ANKS1A: variants seen among roughly 807,000 people sequenced by gnomAD.
ANKS1A encodes ankyrin repeat and sterile alpha motif domain containing 1A, also known as ankyrin repeat and SAM domain-containing protein 1A.
Under a neutral mutation model 120.3 loss-of-function variants are expected in ANKS1A, and 55 were observed. The observed-to-expected ratio is 0.46, with a 90% CI of 0.37 to 0.57. The LOEUF (loss-of-function observed/expected upper bound fraction) is 0.57, where lower values mean the gene tolerates loss of function less well. Among genes scored for constraint, ANKS1A ranks in the 20% least tolerant of loss-of-function variants. The pLI is 0.00. For missense variants in ANKS1A, 1,123 were observed against 1,480.3 expected (o/e 0.76, Z 3.96); for synonymous variants, 590 against 604.7 (o/e 0.98, Z 0.36).
chr6:35,039,745 G>A (rs1409157044), intron 11 of ANKS1A: 2 of 412,180 alleles, frequency 4.9e-6, no homozygotes, highest in Non-Finnish European at 1.0e-5. Flanking sequence ...ATTTTTCCCA[G>A]GTCTTTTTCC....
rs2127621347 is a variant in ANKS1A, at chr6:35,090,900, C to T, written c.*2291C>T. The T allele has an allele frequency of 2.0e-6, 2 of 985,684 alleles. No homozygotes were observed. Among genetic ancestry groups the T allele is most frequent in the East Asian group, 2.3e-4 (2 of 8,814 alleles). 61.1% of individuals were successfully genotyped at this position (985,684 alleles called of 1,614,324 possible). A position where few individuals can be genotyped will look rare whatever the true frequency, so the allele number is the denominator to read the frequency against. ...CCACCAGCTGCTCAGCGCATAAGAC[C>T]TTCCCGACAGGCTCTGCGTGTGCAG... On this transcript the variant is annotated 3_prime_UTR_variant, in exon 24 of 24. Coordinates refer to ENST00000360359, the MANE Select transcript of ANKS1A (RefSeq NM_015245.3).
intron 13 of ANKS1A, among the ~76,000 whole-genome samples, chr6:35,077,543 C>T (rs1777434476): frequency 6.6e-6 from 1 of 152,254 alleles, no homozygotes; most frequent in South Asian, 2.1e-4. Flanking sequence ...GCAGCTGCAA[C>T]TGCGAGGGCC....
At chr6:34,991,859 A>G (rs1225118341) in intron 9 of ANKS1A, among the ~76,000 whole-genome samples, 1 of 151,384 alleles carries the variant, frequency 6.6e-6, no homozygotes, top group Non-Finnish European at 1.5e-5. Context: ...GAAAGGAAAA[A>G]AAAAAAAGAT....
intron 1 of ANKS1A, among the ~76,000 whole-genome samples, chr6:34,942,169 A>G (rs1769567816): frequency 6.6e-6 from 1 of 152,216 alleles, no homozygotes; most frequent in Non-Finnish European, 1.5e-5. Context: ...AGTTTCTCAT[A>G]CGATTCCCCA....
intron 11 of ANKS1A, among the ~76,000 whole-genome samples, chr6:35,048,864 C>T (rs1775841245): frequency 6.6e-6 from 1 of 152,188 alleles, no homozygotes; most frequent in Non-Finnish European, 1.5e-5. Context: ...CTCAGTCGCT[C>T]AGCCCCCGGC....
At chr6:35,091,999 C>T (rs1778324130), downstream of ANKS1A, among the ~76,000 whole-genome samples, 1 of 152,182 alleles carries the variant, frequency 6.6e-6, no homozygotes, top group African/African-American at 2.4e-5. Flanking sequence ...TCATAGCGGC[C>T]CCTTCACTGA....
rs188038252 is a variant in ANKS1A at position 34,953,636 on chromosome 6, C to T, written c.198-13603C>T. ...TTTTTTGTTTTCATGTCTCTGACATCCTTTAGGACAGGGACTTGGTCTTAT... is the reference window on the plus strand; with the variant it reads ...TTTTTTGTTTTCATGTCTCTGACATTCTTTAGGACAGGGACTTGGTCTTAT... On this transcript the variant is annotated intron_variant, in intron 1 of 23. Transcript: ENST00000360359. 2.2e-4 allele frequency among the ~76,000 whole-genome samples: 34 copies of T among 152,282 alleles called. No homozygotes were observed. The South Asian group carries it at 5.4e-3, about 24-fold the overall frequency.
At chr6:34,929,813 CTCTCTT>C (rs894925174) in intron 1 of ANKS1A, among the ~76,000 whole-genome samples, 12 of 135,532 alleles carry the variant, frequency 8.9e-5, no homozygotes, top group African/African-American at 2.8e-4. Context: ...CCTTCTCTCT[CTCTCTT>C]TCTCTTTCTT....
At chr6:34,997,931 A>G (rs1240064931) in intron 10 of ANKS1A, among the ~76,000 whole-genome samples, 3 of 152,236 alleles carry the variant, frequency 2.0e-5, no homozygotes, top group Non-Finnish European at 4.4e-5. Context: ...GTTTCTTCCA[A>G]TTCTGCAATA....
chr6:34,906,957 G>A (rs545946561), intron 1 of ANKS1A, among the ~76,000 whole-genome samples: 1 of 152,262 alleles, frequency 6.6e-6, no homozygotes, highest in South Asian at 2.1e-4. Context: ...GAGTAATGAA[G>A]GTTAACATCA....
rs547378132 is a variant in ANKS1A, at chr6:35,078,768, A to G, written c.2283+112A>G. 98 of 1,016,234 alleles carry G rather than the reference A, an allele frequency of 9.6e-5. No homozygotes were observed. The South Asian group carries it at 1.4e-3, about 14-fold the overall frequency. 63.0% of individuals were successfully genotyped at this position (1,016,234 alleles called of 1,614,324 possible). A position where few individuals can be genotyped will look rare whatever the true frequency, so the allele number is the denominator to read the frequency against. On this transcript the variant is annotated intron_variant, in intron 14 of 23. Transcript: ENST00000360359. ...CAGGGCTCCAGCACACGCACATCAT[A>G]GCAGGACCTCTACCCCTCACCCTAG...
chr6:34,978,408 A>G (rs193068457), intron 3 of ANKS1A, among the ~76,000 whole-genome samples: 39 of 152,282 alleles, frequency 2.6e-4, no homozygotes, highest in African/African-American at 9.1e-4. Flanking sequence ...CTGTAGTGAG[A>G]TTTGGAAGGT....
Position 34,997,345 on chromosome 6 carries a change from C to T in ANKS1A, c.1423+2923C>T, listed in dbSNP as rs557489956. On this transcript the variant is annotated intron_variant, in intron 10 of 23. Coordinates refer to ENST00000360359, the MANE Select transcript of ANKS1A (RefSeq NM_015245.3). ...TCATGTAGCTGGGATTACAGGCATC[C>T]ACCACCATGCCTGGCTAATTATTGA... Among the ~76,000 whole-genome samples, 7 of 151,880 alleles carry T rather than the reference C, an allele frequency of 4.6e-5. No homozygotes were observed. In the South Asian group the frequency reaches 1.5e-3, roughly 32 times the overall value.
At chr6:34,969,245 C>A (rs1050570894) in intron 2 of ANKS1A, among the ~76,000 whole-genome samples, 1 of 151,918 alleles carries the variant, frequency 6.6e-6, no homozygotes, top group African/African-American at 2.4e-5. Context: ...TTTGCAATAA[C>A]TATTTATTTA....
intron 3 of ANKS1A, among the ~76,000 whole-genome samples, chr6:34,978,245 C>T (rs577941777): frequency 5.9e-5 from 9 of 152,266 alleles, no homozygotes; most frequent in African/African-American, 1.2e-4. Flanking sequence ...CATAAGCCAC[C>T]GCACCCAGCC....
chr6:34,896,991 C>T (rs1767122876), intron 1 of ANKS1A, among the ~76,000 whole-genome samples: 2 of 152,026 alleles, frequency 1.3e-5, no homozygotes, highest in Admixed American at 1.3e-4. Context: ...AAAAAATTAG[C>T]TGAGTGTGAT....
chr6:34,982,050 G>A lies in ANKS1A; in HGVS notation c.732+64G>A, dbSNP rs985421522. Reference sequence around the variant, plus strand: ...CTCAGTCATTTTGCAGAAGGCACAAGGACCATGCTGCTGGGCTGTGCTCTT... The same window carrying A: ...CTCAGTCATTTTGCAGAAGGCACAAAGACCATGCTGCTGGGCTGTGCTCTT... On this transcript the variant is annotated intron_variant, in intron 4 of 23. Transcript: ENST00000360359. The surrounding 1 kb of genome is among the most constrained non-coding windows in gnomAD (Gnocchi z 4.9). 5 of 1,571,422 alleles carry A rather than the reference G, an allele frequency of 3.2e-6. No homozygotes were observed. The highest frequency in any genetic ancestry group is 4.3e-6 in the Non-Finnish European group (5 of 1,155,446).
chr6:34,906,805 C>T (rs766239041), intron 1 of ANKS1A, among the ~76,000 whole-genome samples: 5 of 152,184 alleles, frequency 3.3e-5, no homozygotes, highest in African/African-American at 7.2e-5. Flanking sequence ...CTTTGGTAGT[C>T]CTCTCTCTAG....
the ANKS1A span, among the ~76,000 whole-genome samples, chr6:35,097,759 GGC>G: frequency 7.4e-3 from 1,130 of 151,934 alleles, 3 homozygotes; most frequent in South Asian, 0.018. Flanking sequence ...GCTAATTCAA[GGC>G]CACTTGGAGA....
Sources: allele counts gnomAD v4.1 joint callset (sites outside exome capture counted in the v4.1 genomes callset), GRCh38; gene constraint gnomAD v4.1.1; non-coding constraint Gnocchi (gnomAD v3.1); transcripts MANE v1.5; gene names NCBI Gene and HGNC (gene_info 2026-07-23, HGNC 2026-07-21).